The following FREM1 variants were observed in gnomAD, a reference collection of about 807,000 sequenced individuals.
FREM1 encodes FRAS1-related extracellular matrix protein 1.
A neutral mutation model predicts 210.1 loss-of-function variants in FREM1; 220 were observed. The ratio of observed to expected loss-of-function variants is 1.05; its 90% CI spans 0.94 to 1.17. The LOEUF (loss-of-function observed/expected upper bound fraction) is 1.17. FREM1 is among the 50% of genes most tolerant of loss of function. The pLI, the probability that FREM1 is intolerant of heterozygous loss-of-function variation, is 0.00. For synonymous variants in FREM1, 1,189 were observed against 980.2 expected (o/e 1.21, Z -3.98); for missense variants, 3,454 against 2,675.5 (o/e 1.29, Z -6.42).
intron 10 of FREM1, among the ~76,000 whole-genome samples, chr9:14,839,300 AG>A (rs1316995621): frequency 6.6e-6 from 1 of 152,198 alleles, no homozygotes; most frequent in Non-Finnish European, 1.5e-5. Flanking sequence ...CAGAGATTCC[AG>A]CTAGTTATTT....
chr9:14,862,886 T>C (rs936855529), intron 3 of FREM1, among the ~76,000 whole-genome samples: 6 of 152,214 alleles, frequency 3.9e-5, no homozygotes, highest in Non-Finnish European at 8.8e-5. Context: ...CATTCATCAG[T>C]TGGATTTATT....
intron 1 of FREM1, among the ~76,000 whole-genome samples, chr9:14,897,786 G>T (rs1452074010): frequency 6.6e-6 from 1 of 152,014 alleles, no homozygotes; most frequent in African/African-American, 2.4e-5. Flanking sequence ...TAGAAACAGG[G>T]TCTCAGTATG....
chr9:14,860,568 T>C (rs62537682), intron 3 of FREM1, among the ~76,000 whole-genome samples: 1,579 of 72,906 alleles, frequency 0.022, 99 homozygotes, highest in Non-Finnish European at 0.036. Flanking sequence ...CACATATATA[T>C]ACACATATAT....
At chr9:14,872,009 G>C (rs201401433) in intron 1 of FREM1, among the ~76,000 whole-genome samples, 1 of 152,026 alleles carries the variant, frequency 6.6e-6, no homozygotes, top group Non-Finnish European at 1.5e-5. Context: ...AGGGCTCTGT[G>C]CTGTTCCATT....
At position 14,810,766 on chromosome 9, in the gene FREM1, A is replaced by G. The variant is rs983328744; in HGVS notation, c.2893+2046T>C. Among the ~76,000 whole-genome samples the G allele has an allele frequency of 1.5e-4, 23 of 152,356 alleles. 1 individual carries two copies. The highest frequency in any genetic ancestry group is 4.6e-4 in the Admixed American group (7 of 15,306). On this transcript the variant is annotated intron_variant, in intron 16 of 36. Transcript: ENST00000380880. ...TCTGCAAAGCTGCATATGTTACAAC[A>G]TAATTGCAACTATGTTAAAATTATG...
intron 24 of FREM1, chr9:14,779,307 A>C (rs1849263070): frequency 5.5e-6 from 1 of 182,250 alleles, no homozygotes; most frequent in Non-Finnish European, 1.0e-5. Flanking sequence ...ACCTTAGCGC[A>C]AATATAAGCC....
Position 14,846,042 on chromosome 9 carries a change from A to G in FREM1, c.1311T>C (p.Phe437=), listed in dbSNP as rs752593620. 25 of 1,606,400 alleles carry G rather than the reference A, an allele frequency of 1.6e-5. No homozygotes were observed. Among genetic ancestry groups the G allele is most frequent in the Non-Finnish European group, 2.0e-5 (23 of 1,175,908 alleles). ...CAATGTCGTCATTGTCGACAACCTGAAACTGTTCCCAAGTGATGGCTCGAG... is the reference window on the plus strand; with the variant it reads ...CAATGTCGTCATTGTCGACAACCTGGAACTGTTCCCAAGTGATGGCTCGAG... The part of the protein sequence containing the change: ...GQSRAITWEQ[F]QVVDNDDIGA... The change falls in exon 8 of 37, where the codon TTT becomes TTC. Residue 437 remains phenylalanine (F), a synonymous_variant. Transcript: ENST00000380880.
At chr9:14,853,444 T>A (rs951068099) in intron 5 of FREM1, among the ~76,000 whole-genome samples, 2 of 152,026 alleles carry the variant, frequency 1.3e-5, no homozygotes, top group Non-Finnish European at 2.9e-5. Flanking sequence ...TTAGAAATAA[T>A]CCTCTTAAGA....
rs561187017 is a variant in FREM1 at position 14,883,967 on chromosome 9, G to C, written c.-267-14723C>G. On this transcript the variant is annotated intron_variant, in intron 1 of 36. Transcript: ENST00000380880. ...CACCTCGGACTTGATTCAAATCCTTGAAACAAATCCTGGCGCTTTGGGAGG... is the reference window on the plus strand; with the variant it reads ...CACCTCGGACTTGATTCAAATCCTTCAAACAAATCCTGGCGCTTTGGGAGG... Among the ~76,000 whole-genome samples, 3 of 152,320 alleles carry C rather than the reference G, an allele frequency of 2.0e-5. No individual in the cohort carries two copies. The East Asian group carries it at 5.8e-4, about 29-fold the overall frequency.
chr9:14,870,358 G>C (rs537773154), intron 1 of FREM1, among the ~76,000 whole-genome samples: 1 of 152,120 alleles, frequency 6.6e-6, no homozygotes, highest in Non-Finnish European at 1.5e-5. Flanking sequence ...GTTTTTTATG[G>C]TATCAGTCCC....
At chr9:14,886,896 A>T (rs1307834143) in intron 1 of FREM1, among the ~76,000 whole-genome samples, 2 of 20,528 alleles carry the variant, frequency 9.7e-5, no homozygotes, top group African/African-American at 6.1e-4. Context: ...ACCTTGTTTC[A>T]AAAAAAAAAA....
At chr9:14,779,806 G>A (rs571370199) in intron 24 of FREM1, among the ~76,000 whole-genome samples, 2 of 152,322 alleles carry the variant, frequency 1.3e-5, no homozygotes, top group South Asian at 2.1e-4. Flanking sequence ...GGGACACCAA[G>A]GCAGCTGTCA....
At chr9:14,868,469 T>C (rs1019744208) in intron 2 of FREM1, among the ~76,000 whole-genome samples, 1 of 152,234 alleles carries the variant, frequency 6.6e-6, no homozygotes, top group African/African-American at 2.4e-5. Flanking sequence ...CCTCTATAAA[T>C]GTTATTATAA....
intron 16 of FREM1, among the ~76,000 whole-genome samples, chr9:14,810,802 A>T (rs978460794): frequency 1.3e-5 from 2 of 152,248 alleles, no homozygotes; most frequent in African/African-American, 4.8e-5. Flanking sequence ...GCCAGAATAA[A>T]GAGAATAAAA....
At chr9:14,752,446 G>C (rs1466668509) in intron 29 of FREM1, among the ~76,000 whole-genome samples, 2 of 152,208 alleles carry the variant, frequency 1.3e-5, no homozygotes, top group Non-Finnish European at 1.5e-5. Context: ...ATTATTTGTA[G>C]CCAGACTGCA....
intron 5 of FREM1, among the ~76,000 whole-genome samples, chr9:14,853,087 C>T (rs546908945): frequency 8.5e-5 from 13 of 152,224 alleles, no homozygotes; most frequent in African/African-American, 3.1e-4. Flanking sequence ...AACATTGGCA[C>T]GGAGCAGGAA....
chr9:14,739,933 A>C (rs749374034), intron 36 of FREM1, among the ~76,000 whole-genome samples: 4 of 152,240 alleles, frequency 2.6e-5, no homozygotes, highest in African/African-American at 9.6e-5. Context: ...CCACATTCCT[A>C]TTTATTTCTT....
intron 27 of FREM1, among the ~76,000 whole-genome samples, chr9:14,768,855 A>C (rs930303245): frequency 6.6e-6 from 1 of 152,210 alleles, no homozygotes; most frequent in African/African-American, 2.4e-5. Flanking sequence ...TGTATCACTT[A>C]TGATGCTTAG....
chr9:14,894,641 T>C (rs1564189155), intron 1 of FREM1, among the ~76,000 whole-genome samples: 2 of 152,204 alleles, frequency 1.3e-5, no homozygotes, highest in Non-Finnish European at 2.9e-5. Context: ...TGCTAATCCT[T>C]TGTTTTGTTT....
Sources: gnomAD v4.1 joint callset for allele counts (sites outside exome capture counted in the v4.1 genomes callset) on GRCh38, gnomAD v4.1.1 for gene constraint, MANE v1.5 for transcripts, NCBI Gene and HGNC (gene_info 2026-07-23, HGNC 2026-07-21) for gene names.